The following MEFV variants were observed in gnomAD, a reference collection of about 807,000 sequenced individuals.
MEFV encodes the protein pyrin.
MEFV carries 60 observed loss-of-function variants against 62.5 expected under a neutral mutation model. That is an observed-to-expected ratio of 0.96 (90% CI 0.78 to 1.19). The LOEUF (loss-of-function observed/expected upper bound fraction) is 1.19. Ranked by LOEUF, MEFV falls within the 50% of genes most tolerant of loss-of-function variation. The pLI is 0.00. For missense variants in MEFV, 1,169 were observed against 1,004.5 expected, an observed-to-expected ratio of 1.16 and a Z score of -2.21; for synonymous variants, 500 against 415.2, an observed-to-expected ratio of 1.20 and a Z score of -2.48.
chr16:3,250,894 G>C (rs11640659), intron 2 of MEFV, among the ~76,000 whole-genome samples: 1,671 of 150,846 alleles, frequency 0.011, 12 homozygotes, highest in Non-Finnish European at 0.015. Flanking sequence ...CGTGGTGGTG[G>C]GCACCTGTAA....
chr16:3,255,955 G>A (rs1182945848), intron 1 of MEFV, among the ~76,000 whole-genome samples: 3 of 151,932 alleles, frequency 2.0e-5, no homozygotes, highest in Admixed American at 2.0e-4. Flanking sequence ...TACCAACCCC[G>A]TTCATATGAT....
Position 3,243,644 on chromosome 16 carries a change from C to T in MEFV, c.1843G>A (p.Asp615Asn). 3 of 1,599,722 alleles carry T rather than the reference C, an allele frequency of 1.9e-6. No individual in the cohort carries two copies. The highest frequency in any genetic ancestry group is 2.6e-6 in the Non-Finnish European group (3 of 1,173,382). Residue 615 changes from aspartate to asparagine, a missense_variant, in exon 10 of 10, where the codon GAT becomes AAT. Transcript: ENST00000219596. ...CCAAGTCTAACACTCTTCAGATCAT[C>T]AGAGAAGATGAGGTTGGGGTAAGCG... ...ETAYPNLIFS[D>N]DLKSVRLGNK...
At chr16:3,247,376 A>G in intron 4 of MEFV, 130 bp from the exon 5 acceptor site, 1 of 705,944 alleles carries the variant, frequency 1.4e-6, no homozygotes, top group South Asian at 1.7e-5. Context: ...CAAGGCCTAG[A>G]TTCCAGAGCA....
At chr16:3,245,882 A>C (rs558256430) in intron 6 of MEFV, among the ~76,000 whole-genome samples, 1 of 152,346 alleles carries the variant, frequency 6.6e-6, no homozygotes, top group South Asian at 2.1e-4. Flanking sequence ...ACCCTTGTTC[A>C]TAGCAACATT....
chr16:3,246,957 G>T, intron 5 of MEFV, 59 bp downstream of exon 5: 2 of 1,501,456 alleles, frequency 1.3e-6, no homozygotes, highest in Non-Finnish European at 1.9e-6. Flanking sequence ...AGAGCTGGGA[G>T]CCTGAGGCAT....
In MEFV at chr16:3,249,503, GA is replaced by G; in HGVS notation, c.1187del (p.Leu396ProfsTer5). The G allele has an allele frequency of 6.2e-7, 1 of 1,614,226 alleles. No homozygotes were observed. The highest frequency in any genetic ancestry group is 8.5e-7 in the Non-Finnish European group (1 of 1,180,040). On this transcript the variant is annotated frameshift_variant, in exon 3 of 10. Coordinates refer to ENST00000219596, the MANE Select transcript of MEFV (RefSeq NM_000243.3). LOFTEE classifies it high-confidence loss of function. ...GGTGCTCCTGACTCAGACTGCAGAT[GA>G]GGCAGATGGGCTCATCGTGATCCTC... The part of the protein sequence containing the change: ...FCEDHDEPIC[L>X]ICSLSQEHQG...
intron 6 of MEFV, 25 bp downstream of exon 6, chr16:3,246,500 G>A (rs189892908): frequency 3.1e-6 from 5 of 1,613,918 alleles, no homozygotes; most frequent in Middle Eastern, 1.7e-4. Context: ...GACACCCCAG[G>A]GTACACCACA....
rs1958958251 is a variant in MEFV, at chr16:3,247,365, T to C, written c.1357-119A>G. The stretch of plus-strand genomic sequence containing the variant: ...TAAGAGGTGGGCTTATGCTGCCTCT[T>C]CAAGGCCTAGATTCCAGAGCAGGAG... On this transcript the variant is annotated intron_variant, in intron 4 of 9. Transcript: ENST00000219596. The C allele has an allele frequency of 3.9e-6, 3 of 768,614 alleles. No homozygotes were observed. The Admixed American group carries it at 6.6e-5, about 17-fold the overall frequency. 47.6% of individuals were successfully genotyped at this position (768,614 alleles called of 1,614,324 possible). A position where few individuals can be genotyped will look rare whatever the true frequency, so the allele number is the denominator to read the frequency against.
Position 3,254,336 on chromosome 16 carries a change from C to T in MEFV, c.732G>A (p.Glu244=). The T allele has an allele frequency of 1.2e-6, 2 of 1,614,222 alleles. No homozygotes were observed. The highest frequency in any genetic ancestry group is 1.1e-5 in the South Asian group (1 of 91,084). The change falls in exon 2 of 10, where the codon GAG becomes GAA. Residue 244 remains glutamate (E), a synonymous_variant. Transcript: ENST00000219596. ...CCTTCTCCCCTGTAGAAATGGTGAC[C>T]TCAAGGCTTCTAGGTCGCATCTTTC... ...PSGKMRPRSL[E]VTISTGEKAP... is the part of the protein sequence containing the mutation.
chr16:3,244,691 C>T, intron 6 of MEFV, 103 bp from the exon 7 acceptor site: 1 of 844,176 alleles, frequency 1.2e-6, no homozygotes. Flanking sequence ...CACACCTAGC[C>T]CAGCCTGAGC....
At chr16:3,252,783 C>CAA (rs376447807) in intron 2 of MEFV, among the ~76,000 whole-genome samples, 1 of 122,482 alleles carries the variant, frequency 8.2e-6, no homozygotes, top group Non-Finnish European at 1.8e-5. Context: ...ACAAAAAATA[C>CAA]AAAAAAAAAA....
intron 8 of MEFV, 109 bp from the exon 9 acceptor site, chr16:3,244,001 C>G (rs569885208): frequency 6.4e-7 from 1 of 1,563,744 alleles, no homozygotes; most frequent in African/African-American, 1.4e-5. Context: ...CTGCTTAGGG[C>G]CCTGCATGCT....
At chr16:3,246,882 A>G (rs1958950264) in intron 5 of MEFV, 134 bp downstream of exon 5, 3 of 896,814 alleles carry the variant, frequency 3.3e-6, no homozygotes, top group Non-Finnish European at 5.4e-6. Flanking sequence ...ACTGTGGGTC[A>G]CCAAGACCAA....
chr16:3,246,994 A>G (rs1358199408), intron 5 of MEFV, 22 bp downstream of exon 5: 6 of 1,610,874 alleles, frequency 3.7e-6, no homozygotes, highest in African/African-American at 1.3e-5. Flanking sequence ...GACCCAAGAA[A>G]GCCGGGCCCA....
At position 3,254,771 on chromosome 16, in the gene MEFV, G is replaced by C. The variant is rs104895175; in HGVS notation, c.297C>G (p.Asn99Lys). Reference protein sequence around the residue: ...AAIQEYSTQENGTDDSAASSS... With the variant: ...AAIQEYSTQEKGTDDSAASSS... ...TGGACGCTGCGGAATCATCTGTGCC[G>C]TTTTCTTGTGTGGAATATTCTGGAA... Residue 99 changes from asparagine (N) to lysine (K), a missense_variant, in exon 2 of 10, where the codon AAC (asparagine) becomes AAG (lysine). Transcript: ENST00000219596. The C allele has an allele frequency of 6.2e-7, 1 of 1,612,064 alleles. No individual in the cohort carries two copies. Among genetic ancestry groups the C allele is most frequent in the Admixed American group, 1.7e-5 (1 of 60,012 alleles).
chr16:3,248,366 C>T (rs1193219889), intron 4 of MEFV: 8 of 160,206 alleles, frequency 5.0e-5, no homozygotes, highest in African/African-American at 4.8e-5. Flanking sequence ...CCAAGGCGGG[C>T]GGATCACGAG....
chr16:3,255,044 T>G (rs1156277954), intron 1 of MEFV, among the ~76,000 whole-genome samples: 2 of 152,102 alleles, frequency 1.3e-5, no homozygotes, highest in African/African-American at 4.8e-5. Context: ...AAGCTGAGCG[T>G]GGTGGCGCAT....
intron 2 of MEFV, 140 bp downstream of exon 2, chr16:3,254,018 G>C: frequency 2.2e-6 from 2 of 910,380 alleles, no homozygotes; most frequent in South Asian, 2.8e-5. Context: ...ACATTCACCA[G>C]GCTGGTCTCA....
At chr16:3,249,106 G>C (rs920157424) in intron 3 of MEFV, 102 bp from the exon 4 acceptor site, 2 of 1,194,642 alleles carry the variant, frequency 1.7e-6, no homozygotes, top group Non-Finnish European at 2.5e-6. Flanking sequence ...GCAAGGCTGA[G>C]GGTGCTGCTG....
Sources: allele counts gnomAD v4.1 joint callset (sites outside exome capture counted in the v4.1 genomes callset), GRCh38; gene constraint gnomAD v4.1.1; transcripts MANE v1.5; gene names NCBI Gene and HGNC (gene_info 2026-07-23, HGNC 2026-07-21).